Variants in LCLAT1 observed in about 807,000 individuals in gnomAD.
LCLAT1 encodes 1-AGP acyltransferase 8.
Under a neutral mutation model 30.7 loss-of-function variants are expected in LCLAT1, and 11 were observed. The ratio of observed to expected loss-of-function variants is 0.36; its 90% CI spans 0.23 to 0.59. The LOEUF (loss-of-function observed/expected upper bound fraction) is 0.59. LCLAT1 is among the 20% of genes least tolerant of loss of function. LCLAT1 has a pLI of 0.77. For synonymous variants in LCLAT1, 155 were observed against 151.3 expected (o/e 1.02, Z -0.18); for missense variants, 402 against 458.6 (o/e 0.88, Z 1.13).
chr2:30,606,142 A>T (rs1455694307), intron 5 of LCLAT1: 2 of 757,392 alleles, frequency 2.6e-6, no homozygotes, highest in African/African-American at 3.8e-5. Context: ...AAGAATCAAT[A>T]TCGTGAAATT....
At position 30,533,247 on chromosome 2, in the gene LCLAT1, G is replaced by T. The variant is rs1431601839; in HGVS notation, c.297G>T (p.Met99Ile). The T allele has an allele frequency of 3.7e-6, 6 of 1,613,996 alleles. No homozygotes were observed. The highest frequency in any genetic ancestry group is 1.3e-5 in the African/African-American group (1 of 74,938). The change falls in exon 3 of 6, where the codon ATG becomes ATT. Residue 99 changes from methionine to isoleucine, a missense_variant. By Grantham distance (10) the Met-to-Ile change is conservative. Transcript: ENST00000379509. ...GGATGTTCCTGTGGAATTGCCTGAT[G>T]CGATATAGCTACCTCAGATTGGAGA... ...MDWMFLWNCL[M>I]RYSYLRLEKI... is the part of the protein sequence containing the mutation.
At chr2:30,630,678 C>T (rs1668725279) in intron 5 of LCLAT1, among the ~76,000 whole-genome samples, 1 of 152,154 alleles carries the variant, frequency 6.6e-6, no homozygotes, top group African/African-American at 2.4e-5. Context: ...ACATGTAGGA[C>T]TATCTGTAGT....
chr2:30,471,462 A>G (rs930552925), intron 1 of LCLAT1, among the ~76,000 whole-genome samples: 2 of 151,510 alleles, frequency 1.3e-5, no homozygotes, highest in African/African-American at 2.4e-5. Context: ...CACCCGCCTC[A>G]GCCTCCCAAA....
At chr2:30,557,639 T>G (rs1200747994) in intron 3 of LCLAT1, among the ~76,000 whole-genome samples, 1 of 152,078 alleles carries the variant, frequency 6.6e-6, no homozygotes, top group East Asian at 1.9e-4. Context: ...GGTCTCGAAC[T>G]CCTGACCTCA....
chr2:30,507,783 G>A lies in LCLAT1; in HGVS notation c.-4-17804G>A, dbSNP rs185076343. On this transcript the variant is annotated intron_variant, in intron 1 of 5. Transcript: ENST00000379509. ...CTGCAGTGAACATACACATGCATGT[G>A]TCTTTATGATAGAAGAATTTATACT... Among the ~76,000 whole-genome samples, 940 of 152,266 alleles carry A rather than the reference G, an allele frequency of 6.2e-3. 6 individuals carry two copies. Among genetic ancestry groups the A allele is most frequent in the Non-Finnish European group, 8.7e-3 (592 of 68,024 alleles).
chr2:30,542,980 G>A (rs1482834896), intron 3 of LCLAT1, among the ~76,000 whole-genome samples: 5 of 137,648 alleles, frequency 3.6e-5, no homozygotes, highest in African/African-American at 1.1e-4. Context: ...GCCTTATTGC[G>A]GTGGCTATTC....
chr2:30,583,059 A>T (rs1666272988), intron 5 of LCLAT1, among the ~76,000 whole-genome samples: 1 of 152,214 alleles, frequency 6.6e-6, no homozygotes, highest in African/African-American at 2.4e-5. Context: ...TACTCTAATT[A>T]GCTCTTTATT....
At chr2:30,491,037 G>A (rs747736037) in intron 1 of LCLAT1, among the ~76,000 whole-genome samples, 3 of 152,114 alleles carry the variant, frequency 2.0e-5, no homozygotes, top group African/African-American at 4.8e-5. Flanking sequence ...TTTAAAAAAC[G>A]TGGGTACTAG....
chr2:30,641,899 TTTTTTTTTC>T lies in LCLAT1; in HGVS notation c.*1289_*1297del, dbSNP rs1669329877. ...TTGGAGCTGCACACTTTTTTTTCTTTTTTTTTTTCTTTTTTTTTTTGTCGTGTAAGAAGG... is the reference window on the plus strand; with the variant it reads ...TTGGAGCTGCACACTTTTTTTTCTTTTTTTTTTTTTTGTCGTGTAAGAAGG... On this transcript the variant is annotated 3_prime_UTR_variant, in exon 6 of 6. Coordinates refer to ENST00000379509, the MANE Select transcript of LCLAT1 (RefSeq NM_001002257.3). 1 of 95,384 alleles carries T rather than the reference TTTTTTTTTC, an allele frequency of 1.0e-5. No individual in the cohort carries two copies. Among genetic ancestry groups the T allele is most frequent in the South Asian group, 3.8e-4 (1 of 2,618 alleles). 5.9% of individuals were successfully genotyped at this position (95,384 alleles called of 1,614,324 possible).
At chr2:30,560,671 G>T (rs1191725856) in intron 3 of LCLAT1, among the ~76,000 whole-genome samples, 2 of 152,034 alleles carry the variant, frequency 1.3e-5, no homozygotes, top group Non-Finnish European at 2.9e-5. Context: ...ATAATTTAAT[G>T]ATTATGTATA....
chr2:30,635,388 C>T (rs1368331775), intron 5 of LCLAT1, among the ~76,000 whole-genome samples: 1 of 152,038 alleles, frequency 6.6e-6, no homozygotes, highest in Non-Finnish European at 1.5e-5. Flanking sequence ...CCTAGGCTGC[C>T]AGCACTGCTC....
Position 30,525,916 on chromosome 2 carries a change from C to T in LCLAT1, c.165+161C>T, listed in dbSNP as rs1489419183. Among the ~76,000 whole-genome samples the T allele has an allele frequency of 3.3e-5, 5 of 152,054 alleles. No individual in the cohort carries two copies. In the East Asian group the frequency reaches 9.6e-4, roughly 29 times the overall value. ...ATAATCTCTAGATTGCTTATAATACCGACTACAACGTAAATGCTATGTAAA... is the reference window on the plus strand; with the variant it reads ...ATAATCTCTAGATTGCTTATAATACTGACTACAACGTAAATGCTATGTAAA... On this transcript the variant is annotated intron_variant, in intron 2 of 5. Coordinates refer to ENST00000379509, the MANE Select transcript of LCLAT1 (RefSeq NM_001002257.3).
chr2:30,534,227 G>C (rs1406019294), intron 3 of LCLAT1, among the ~76,000 whole-genome samples: 22 of 14,532 alleles, frequency 1.5e-3, no homozygotes, highest in African/African-American at 5.7e-3. Context: ...TACTGTGTGT[G>C]TGTGTGTGTG....
chr2:30,550,696 A>G lies in LCLAT1; in HGVS notation c.365-11450A>G, dbSNP rs370013512. Among the ~76,000 whole-genome samples, 14 of 152,258 alleles carry G rather than the reference A, an allele frequency of 9.2e-5. No individual in the cohort carries two copies. In the South Asian group the frequency reaches 2.3e-3, roughly 25 times the overall value. The stretch of plus-strand genomic sequence containing the variant: ...TCTGTCAGGTTTCTTTACTGCAAAG[A>G]TGCTGTTTTCCCCTTTACATTTACA... On this transcript the variant is annotated intron_variant, in intron 3 of 5. Coordinates refer to ENST00000379509, the MANE Select transcript of LCLAT1 (RefSeq NM_001002257.3).
intron 1 of LCLAT1, among the ~76,000 whole-genome samples, chr2:30,490,097 A>G (rs1158504942): frequency 6.6e-6 from 1 of 152,034 alleles, no homozygotes; most frequent in Non-Finnish European, 1.5e-5. Context: ...TTTACAACTG[A>G]GGAAGTAACA....
chr2:30,566,699 C>T (rs753977898), intron 4 of LCLAT1, among the ~76,000 whole-genome samples: 4 of 152,212 alleles, frequency 2.6e-5, no homozygotes, highest in Non-Finnish European at 4.4e-5. Flanking sequence ...GTTCTAACAT[C>T]TGCTGTCATC....
At chr2:30,592,838 A>G (rs1666756108) in intron 5 of LCLAT1, among the ~76,000 whole-genome samples, 1 of 148,340 alleles carries the variant, frequency 6.7e-6, no homozygotes, top group Admixed American at 6.7e-5. Flanking sequence ...GGCATATGTG[A>G]TATTTTGATA....
At chr2:30,534,030 C>T (rs1403537356) in intron 3 of LCLAT1, among the ~76,000 whole-genome samples, 1 of 152,178 alleles carries the variant, frequency 6.6e-6, no homozygotes, top group African/African-American at 2.4e-5. Context: ...ATCCTCCTGA[C>T]AGCCTTGTTA....
intron 5 of LCLAT1, among the ~76,000 whole-genome samples, chr2:30,600,177 A>G (rs1459324580): frequency 6.6e-6 from 1 of 152,128 alleles, no homozygotes; most frequent in Non-Finnish European, 1.5e-5. Context: ...TATGAAGCTT[A>G]AGTTTGGTCT....
Sources: allele counts gnomAD v4.1 joint callset (sites outside exome capture counted in the v4.1 genomes callset), GRCh38; gene constraint gnomAD v4.1.1; transcripts MANE v1.5; gene names NCBI Gene and HGNC (gene_info 2026-07-23, HGNC 2026-07-21).